Variants in SYCP1 observed in about 807,000 individuals in gnomAD.
The protein encoded by SYCP1 is synaptonemal complex protein 1.
SYCP1 carries 64 observed loss-of-function variants against 153.1 expected under a neutral mutation model. The observed-to-expected ratio is 0.42, with a 90% CI of 0.34 to 0.51. SYCP1 has a LOEUF of 0.51. SYCP1 is among the 20% of genes least tolerant of loss of function. The probability of loss-of-function intolerance (pLI) is 0.06; values close to 1 mark genes in which losing one functional copy is unlikely to be tolerated. For missense variants in SYCP1, 997 were observed against 1,049.0 expected, an observed-to-expected ratio of 0.95 and a Z score of 0.68; for synonymous variants, 384 against 341.8, an observed-to-expected ratio of 1.12 and a Z score of -1.36.
intron 16 of SYCP1, among the ~76,000 whole-genome samples, chr1:114,897,399 G>A (rs1035162562): frequency 2.0e-5 from 3 of 152,280 alleles, no homozygotes; most frequent in Middle Eastern, 3.4e-3. Flanking sequence ...GGGGTAGGTG[G>A]TAAGGACAGC....
At position 114,911,560 on chromosome 1, in the gene SYCP1, A is replaced by G. The variant is rs1668180674; in HGVS notation, c.1507A>G (p.Lys503Glu). The G allele has an allele frequency of 5.3e-6, 8 of 1,504,956 alleles. No homozygotes were observed. The highest frequency in any genetic ancestry group is 7.1e-6 in the Non-Finnish European group (8 of 1,127,948). The allele number at this position is 1,504,956 out of a possible 1,614,324, so 93.2% of individuals were successfully genotyped here. A position where few individuals can be genotyped will look rare whatever the true frequency, so the allele number is the denominator to read the frequency against. Residue 503 changes from lysine to glutamate, a missense_variant, in exon 18 of 32, where the codon AAA becomes GAA. Around this residue, in one of 2 missense-constraint regions of SYCP1, gnomAD observed 712 missense variants for 682.9 expected, o/e 1.04. Transcript: ENST00000369522. The stretch of plus-strand genomic sequence containing the variant: ...TTATTCAAAAGAGGTTAAAGATCTA[A>G]AAACTGAGCTTGAAAACGAGAAGTA... The part of the protein sequence containing the change: ...QYYSKEVKDL[K>E]TELENEKLKN...
intron 12 of SYCP1, among the ~76,000 whole-genome samples, chr1:114,883,802 C>G (rs1326048949): frequency 6.6e-6 from 1 of 152,184 alleles, no homozygotes; most frequent in Non-Finnish European, 1.5e-5. Context: ...AGGTGATTCT[C>G]CTGCCTCAGC....
At chr1:114,933,526 T>C (rs189319257) in intron 23 of SYCP1, among the ~76,000 whole-genome samples, 52 of 152,280 alleles carry the variant, frequency 3.4e-4, no homozygotes, top group Admixed American at 7.8e-4. Flanking sequence ...TCGCCAGCAA[T>C]GGAACAAAGC....
At chr1:114,923,111 C>T (rs1265561507) in intron 20 of SYCP1, among the ~76,000 whole-genome samples, 3 of 152,146 alleles carry the variant, frequency 2.0e-5, no homozygotes, top group Non-Finnish European at 4.4e-5. Context: ...TTTAGTTTCT[C>T]TTTTTTAAAA....
intron 27 of SYCP1, among the ~76,000 whole-genome samples, chr1:114,959,617 A>G (rs1271328697): frequency 6.6e-6 from 1 of 152,156 alleles, no homozygotes; most frequent in Admixed American, 6.5e-5. Flanking sequence ...TAAAATGTCC[A>G]CTTAAATTAT....
intron 16 of SYCP1, among the ~76,000 whole-genome samples, chr1:114,903,095 G>A (rs769105834): frequency 1.3e-5 from 2 of 152,154 alleles, no homozygotes; most frequent in Non-Finnish European, 2.9e-5. Flanking sequence ...ACAGAGAATC[G>A]CTTGAGCCCG....
rs1468193384 is a variant in SYCP1 at position 114,944,849 on chromosome 1, TTTTTTTTTTGC to T, written c.2044-20_2044-10del. On this transcript the variant is annotated splice_polypyrimidine_tract_variant and intron_variant, in intron 24 of 31. Transcript: ENST00000369522. ...TTTTGTGCATTTATTTTAAGAAACT[TTTTTTTTTTGC>T]TTATTTGATAGGTTGAGAAAGCAAA... The T allele has an allele frequency of 6.9e-7, 1 of 1,452,750 alleles. No homozygotes were observed. The highest frequency in any genetic ancestry group is 1.5e-5 in the African/African-American group (1 of 68,388). The allele number at this position is 1,452,750 out of a possible 1,614,324, so 90.0% of individuals were successfully genotyped here. A position where few individuals can be genotyped will look rare whatever the true frequency, so the allele number is the denominator to read the frequency against.
At chr1:114,929,818 G>T (rs1440607422) in intron 23 of SYCP1, among the ~76,000 whole-genome samples, 3 of 151,998 alleles carry the variant, frequency 2.0e-5, no homozygotes, top group African/African-American at 7.2e-5. Flanking sequence ...CTATAAGGAT[G>T]TAGAAAATCT....
intron 8 of SYCP1, among the ~76,000 whole-genome samples, chr1:114,872,000 CTTTTTCTTTT>C (rs1420834009): frequency 1.5e-5 from 2 of 136,574 alleles, no homozygotes; most frequent in Non-Finnish European, 3.2e-5. Flanking sequence ...TTTTTTCTTT[CTTTTTCTTTT>C]TTTTTTTTTT....
intron 8 of SYCP1, among the ~76,000 whole-genome samples, chr1:114,865,702 T>C (rs988165802): frequency 6.6e-6 from 1 of 152,256 alleles, no homozygotes; most frequent in Non-Finnish European, 1.5e-5. Flanking sequence ...AGGCACATCA[T>C]AATTGTCCAA....
Position 114,926,283 on chromosome 1 carries a change from C to T in SYCP1, c.1806C>T (p.Asn602=). The change falls in exon 22 of 32, where the codon AAC becomes AAT. Residue 602 remains asparagine, a synonymous_variant. Coordinates refer to ENST00000369522, the MANE Select transcript of SYCP1 (RefSeq NM_003176.4). ...CKLDKSEENC[N]NLRKQVENKN... ...AATTTCTCACAATTTTTTAGTGTAACAATTTAAGGAAACAAGTTGAAAATA... is the reference window on the plus strand; with the variant it reads ...AATTTCTCACAATTTTTTAGTGTAATAATTTAAGGAAACAAGTTGAAAATA... 1 of 1,510,190 alleles carries T rather than the reference C, an allele frequency of 6.6e-7. No homozygotes were observed. Among genetic ancestry groups the T allele is most frequent in the East Asian group, 2.3e-5 (1 of 42,776 alleles). The allele number at this position is 1,510,190 out of a possible 1,614,324, so 93.5% of individuals were successfully genotyped here.
At chr1:114,965,699 A>G (rs1672074771) in intron 27 of SYCP1, among the ~76,000 whole-genome samples, 1 of 150,820 alleles carries the variant, frequency 6.6e-6, no homozygotes, top group Non-Finnish European at 1.5e-5. Flanking sequence ...CATCCCAGGA[A>G]TTGATCGCGG....
intron 15 of SYCP1, among the ~76,000 whole-genome samples, chr1:114,892,557 G>A (rs1048368851): frequency 3.9e-5 from 6 of 152,126 alleles, no homozygotes; most frequent in Non-Finnish European, 8.8e-5. Flanking sequence ...GAGCAAGGTA[G>A]CTTGTCCTTG....
intron 29 of SYCP1, 66 bp downstream of exon 29, chr1:114,981,578 C>T: frequency 1.4e-6 from 2 of 1,394,938 alleles, no homozygotes; most frequent in Non-Finnish European, 1.9e-6. Flanking sequence ...TCTGTTATCA[C>T]CATATATCTG....
At chr1:114,918,625 C>T (rs888118649) in intron 20 of SYCP1, among the ~76,000 whole-genome samples, 4 of 151,774 alleles carry the variant, frequency 2.6e-5, no homozygotes, top group East Asian at 1.9e-4. Flanking sequence ...TCCGTGAACA[C>T]GTAGTGTCTT....
chr1:114,956,670 C>T (rs921086771), intron 27 of SYCP1, among the ~76,000 whole-genome samples: 3 of 152,142 alleles, frequency 2.0e-5, no homozygotes, highest in Non-Finnish European at 4.4e-5. Flanking sequence ...CCATACAGCT[C>T]TAGTACCCTC....
chr1:114,858,745 A>G (rs770771889), intron 6 of SYCP1, 34 bp downstream of exon 6: 14 of 1,548,128 alleles, frequency 9.0e-6, no homozygotes, highest in Admixed American at 3.8e-5. Context: ...AACATAGTAT[A>G]GTAAATCTAA....
chr1:114,995,080 T>C lies in SYCP1; in HGVS notation c.*61T>C. On this transcript the variant is annotated 3_prime_UTR_variant, in exon 32 of 32. Transcript: ENST00000369522. Reference sequence around the variant, plus strand: ...CGTGAAACTTATAGTTAATATTTTGTTCTTATTTGCCAGAGCCAAATTTTA... The same window carrying C: ...CGTGAAACTTATAGTTAATATTTTGCTCTTATTTGCCAGAGCCAAATTTTA... 2 of 1,453,936 alleles carry C rather than the reference T, an allele frequency of 1.4e-6. No homozygotes were observed. The highest frequency in any genetic ancestry group is 2.5e-5 in the Admixed American group (1 of 40,062). The allele number at this position is 1,453,936 out of a possible 1,614,324, so 90.1% of individuals were successfully genotyped here.
chr1:114,950,287 T>C (rs1014480943), intron 27 of SYCP1, among the ~76,000 whole-genome samples: 2 of 152,166 alleles, frequency 1.3e-5, no homozygotes, highest in Non-Finnish European at 2.9e-5. Flanking sequence ...TAGAAACCAG[T>C]CTATAATTGA....
Sources: allele counts gnomAD v4.1 joint callset (sites outside exome capture counted in the v4.1 genomes callset), GRCh38; gene constraint gnomAD v4.1.1; regional missense constraint gnomAD v4.1.1; transcripts MANE v1.5; gene names NCBI Gene and HGNC (gene_info 2026-07-23, HGNC 2026-07-21).